IL1RAPL2: variants seen among roughly 807,000 people sequenced by gnomAD.
IL1RAPL2 encodes the protein X-linked interleukin-1 receptor accessory protein-like 2.
Under a neutral mutation model 44.1 loss-of-function variants are expected in IL1RAPL2, and 3 were observed. The ratio of observed to expected loss-of-function variants is 0.07; its 90% CI spans 0.03 to 0.18. The LOEUF (loss-of-function observed/expected upper bound fraction) is 0.18, where lower values mean the gene tolerates loss of function less well. Ranked by LOEUF, IL1RAPL2 falls within the 10% of genes least tolerant of loss-of-function variation. The pLI, the probability that IL1RAPL2 is intolerant of heterozygous loss-of-function variation, is 1.00. For missense variants in IL1RAPL2, 391 were observed against 496.4 expected (o/e 0.79, Z 2.02); for synonymous variants, 181 against 178.8 (o/e 1.01, Z -0.10).
intron 6 of IL1RAPL2, among the ~76,000 whole-genome samples, chrX:105,501,661 G>A (rs2036396648): frequency 9.0e-6 from 1 of 111,300 alleles, no homozygotes; most frequent in African/African-American, 3.3e-5. Context: ...CAAACCCATA[G>A]AGTCTTAAAA....
intron 6 of IL1RAPL2, among the ~76,000 whole-genome samples, chrX:105,539,512 C>T (rs1353475446): frequency 9.0e-6 from 1 of 111,603 alleles, no homozygotes; most frequent in African/African-American, 3.3e-5. Flanking sequence ...ACACCATATA[C>T]AAAAATTAAC....
chrX:105,175,054 C>T (rs1401554263), intron 2 of IL1RAPL2, among the ~76,000 whole-genome samples: 1 of 111,448 alleles, frequency 9.0e-6, no homozygotes, highest in Non-Finnish European at 1.9e-5. Context: ...TAACATCTGT[C>T]TTATAAGGTT....
intron 5 of IL1RAPL2, among the ~76,000 whole-genome samples, chrX:105,468,095 TC>T (rs897558723): frequency 8.9e-6 from 1 of 112,071 alleles, no homozygotes; most frequent in African/African-American, 3.2e-5. Context: ...TTATTTTTTC[TC>T]ATACAAAACG....
intron 5 of IL1RAPL2, among the ~76,000 whole-genome samples, chrX:105,343,148 C>T (rs2035084386): frequency 8.9e-6 from 1 of 111,758 alleles, no homozygotes; most frequent in Admixed American, 9.5e-5. Context: ...CATTTGTCCT[C>T]AGAAAATCAT....
At chrX:104,615,218 TATTTTA>T (rs893976979) in intron 1 of IL1RAPL2, among the ~76,000 whole-genome samples, 9 of 111,110 alleles carry the variant, frequency 8.1e-5, no homozygotes, top group Admixed American at 6.7e-4. Flanking sequence ...GTCTGGAAAA[TATTTTA>T]ATTTTAATTT....
At chrX:104,856,287 T>C (rs1922362788) in intron 2 of IL1RAPL2, among the ~76,000 whole-genome samples, 1 of 112,101 alleles carries the variant, frequency 8.9e-6, no homozygotes. Flanking sequence ...AAAATTTCAG[T>C]TACCTTGTAT....
chrX:104,808,240 G>C lies in IL1RAPL2; in HGVS notation c.82+149245G>C, dbSNP rs187897945. ...GCATTTGCAGTGGTAGAAACTGTGG[G>C]TTGCTTAAACAATAGTTTGTCTTGC... On this transcript the variant is annotated intron_variant, in intron 2 of 10. Coordinates refer to ENST00000372582, the MANE Select transcript of IL1RAPL2 (RefSeq NM_017416.2). Among the ~76,000 whole-genome samples the C allele has an allele frequency of 1.4e-3, 162 of 112,144 alleles. 1 individual carries two copies. Among genetic ancestry groups the C allele is most frequent in the African/African-American group, 4.8e-3 (148 of 30,948 alleles).
chrX:104,858,502 A>T (rs193181610), intron 2 of IL1RAPL2, among the ~76,000 whole-genome samples: 24 of 112,109 alleles, frequency 2.1e-4, no homozygotes, highest in Admixed American at 1.8e-3. Flanking sequence ...ATTCTAAACA[A>T]AATCCAACTT....
intron 2 of IL1RAPL2, among the ~76,000 whole-genome samples, chrX:105,171,415 T>C (rs1458477673): frequency 9.1e-6 from 1 of 110,402 alleles, no homozygotes; most frequent in Non-Finnish European, 1.9e-5. Context: ...GTGGGGTATG[T>C]GGTAGGTGAC....
At chrX:105,035,337 C>T (rs1036046261) in intron 2 of IL1RAPL2, among the ~76,000 whole-genome samples, 7 of 112,012 alleles carry the variant, frequency 6.2e-5, no homozygotes, top group African/African-American at 1.9e-4. Flanking sequence ...GTGTCACTCA[C>T]GCTAGGAGCT....
At chrX:105,376,627 C>G (rs967619848) in intron 5 of IL1RAPL2, among the ~76,000 whole-genome samples, 2 of 111,700 alleles carry the variant, frequency 1.8e-5, no homozygotes, top group Non-Finnish European at 3.8e-5. Context: ...AAAAGAGCCA[C>G]TGAGTTCCTA....
At chrX:104,844,640 ACATCT>A (rs1407655619) in intron 2 of IL1RAPL2, among the ~76,000 whole-genome samples, 2 of 111,723 alleles carry the variant, frequency 1.8e-5, no homozygotes, top group African/African-American at 6.5e-5. Context: ...AAACACAAAA[ACATCT>A]CATAATGTTT....
At chrX:104,707,504 AAG>A (rs1337402969) in intron 2 of IL1RAPL2, among the ~76,000 whole-genome samples, 1 of 112,037 alleles carries the variant, frequency 8.9e-6, no homozygotes, top group Non-Finnish European at 1.9e-5. Context: ...AATTGATTGA[AAG>A]AGCCTGGCTC....
At chrX:105,051,736 C>T (rs761461791) in intron 2 of IL1RAPL2, among the ~76,000 whole-genome samples, 6 of 112,818 alleles carry the variant, frequency 5.3e-5, no homozygotes, top group East Asian at 2.8e-4. Flanking sequence ...CTGCGGTAGC[C>T]GGTGTGATGG....
At chrX:104,837,083 A>G (rs896734530) in intron 2 of IL1RAPL2, among the ~76,000 whole-genome samples, 25 of 111,654 alleles carry the variant, frequency 2.2e-4, no homozygotes, top group Admixed American at 1.9e-4. Context: ...GGTGCATAGT[A>G]TTCCATGGTG....
intron 7 of IL1RAPL2, among the ~76,000 whole-genome samples, chrX:105,722,671 C>A (rs2147558338): frequency 8.9e-6 from 1 of 111,919 alleles, no homozygotes; most frequent in Admixed American, 9.5e-5. Context: ...AAATTTATTT[C>A]TGGATGCATG....
chrX:105,753,102 T>C (rs1020503478), intron 9 of IL1RAPL2: 4 of 306,776 alleles, frequency 1.3e-5, no homozygotes, highest in Admixed American at 6.7e-5. Flanking sequence ...CTTTGTAGCA[T>C]TGAACTGCAA....
intron 2 of IL1RAPL2, among the ~76,000 whole-genome samples, chrX:105,129,437 T>C (rs1257646550): frequency 1.8e-5 from 2 of 110,873 alleles, no homozygotes; most frequent in African/African-American, 6.5e-5. Context: ...AGTTCCAACA[T>C]GTAAATTTTG....
chrX:105,700,248 C>T (rs756600800), intron 6 of IL1RAPL2, among the ~76,000 whole-genome samples: 128 of 111,420 alleles, frequency 1.1e-3, no homozygotes, highest in Non-Finnish European at 2.1e-3. Context: ...AAATCAATTT[C>T]CTATATAAAT....
Sources: allele counts gnomAD v4.1 joint callset (sites outside exome capture counted in the v4.1 genomes callset), GRCh38; gene constraint gnomAD v4.1.1; transcripts MANE v1.5; gene names NCBI Gene and HGNC (gene_info 2026-07-23, HGNC 2026-07-21).